The following TAGLN3 variants were observed in gnomAD, a reference collection of about 807,000 sequenced individuals.
TAGLN3 encodes transgelin 3, also known as transgelin-3.
Under a neutral mutation model 25.4 loss-of-function variants are expected in TAGLN3, and 12 were observed. That is an observed-to-expected ratio of 0.47 (90% CI 0.30 to 0.77). The LOEUF is 0.77. Among genes scored for constraint, TAGLN3 ranks in the 30% least tolerant of loss-of-function variants. The pLI, the probability that TAGLN3 is intolerant of heterozygous loss-of-function variation, is 0.06. For missense variants in TAGLN3, 218 were observed against 255.8 expected (o/e 0.85, Z 1.01); for synonymous variants, 96 against 94.8 (o/e 1.01, Z -0.08).
chr3:111,999,428 T>C lies in TAGLN3; in HGVS notation c.6T>C (p.Ala2=), dbSNP rs1365565476. 1.2e-6 allele frequency: 2 copies of C among 1,613,974 alleles called. No homozygotes were observed. The highest frequency in any genetic ancestry group is 8.5e-7 in the Non-Finnish European group (1 of 1,179,880). M[A]NRGPSYGLSR... Reference sequence around the variant, plus strand: ...GTCTTCTCTTCTTTCCAGAGATGGCTAACAGGGGCCCGAGCTATGGCTTAA... The same window carrying C: ...GTCTTCTCTTCTTTCCAGAGATGGCCAACAGGGGCCCGAGCTATGGCTTAA... Residue 2 remains alanine, a synonymous_variant, in exon 2 of 5, where the codon GCT becomes GCC. Coordinates refer to ENST00000478951, the MANE Select transcript of TAGLN3 (RefSeq NM_001008272.2).
rs190103977 is a variant in TAGLN3 at position 111,999,123 on chromosome 3, G to A, written c.-3+9G>A. The A allele has an allele frequency of 3.8e-4, 97 of 255,810 alleles. No homozygotes were observed. Among genetic ancestry groups the A allele is most frequent in the Admixed American group, 1.7e-3 (34 of 20,212 alleles). 15.8% of individuals were successfully genotyped at this position (255,810 alleles called of 1,614,324 possible). ...GGGGTTCAGACTTGATTGTGAGTCC[G>A]TGTTATATCATCTGGTCTCATTGAT... On this transcript the variant is annotated intron_variant, in intron 1 of 4. Coordinates refer to ENST00000478951, the MANE Select transcript of TAGLN3 (RefSeq NM_001008272.2).
At chr3:112,007,023 C>T (rs891333582) in intron 3 of TAGLN3, among the ~76,000 whole-genome samples, 2 of 152,162 alleles carry the variant, frequency 1.3e-5, no homozygotes, top group Admixed American at 1.3e-4. Context: ...AGGTGAGACT[C>T]TTGCTGAAAA....
Position 112,000,847 on chromosome 3 carries a change from G to T in TAGLN3, c.256G>T (p.Ala86Ser). Reference protein sequence around the residue: ...PIPKISESKMAFKQMEQISQF... With the variant: ...PIPKISESKMSFKQMEQISQF... ...ACCCAAGATCTCAGAGTCAAAGATG[G>T]CTTTTAAGCAGATGGAGCAAATCTC... Residue 86 changes from alanine to serine, a missense_variant, in exon 3 of 5, where the codon GCT becomes TCT. Coordinates refer to ENST00000478951, the MANE Select transcript of TAGLN3 (RefSeq NM_001008272.2). 3.7e-6 allele frequency: 6 copies of T among 1,614,152 alleles called. No individual in the cohort carries two copies. Among genetic ancestry groups the T allele is most frequent in the Non-Finnish European group, 5.1e-6 (6 of 1,180,018 alleles).
At chr3:112,009,929 C>T (rs763153187) in intron 3 of TAGLN3, among the ~76,000 whole-genome samples, 1 of 151,752 alleles carries the variant, frequency 6.6e-6, no homozygotes, top group Non-Finnish European at 1.5e-5. Flanking sequence ...TCCCTTTGTC[C>T]TCTCTGGGTT....
intron 4 of TAGLN3, 91 bp downstream of exon 4, chr3:112,011,956 G>A (rs760915071): frequency 2.8e-5 from 34 of 1,197,966 alleles, no homozygotes; most frequent in Non-Finnish European, 3.9e-5. Context: ...GGCTTTATGT[G>A]CAAAGCCCCA....
At chr3:112,000,247 G>T (rs891940821) in intron 2 of TAGLN3, among the ~76,000 whole-genome samples, 8 of 151,988 alleles carry the variant, frequency 5.3e-5, no homozygotes, top group African/African-American at 1.9e-4. Context: ...GTTGCCCAGA[G>T]CTTGGGTTAT....
chr3:111,999,673 G>C (rs1401241988), intron 2 of TAGLN3, 71 bp downstream of exon 2: 3 of 1,550,496 alleles, frequency 1.9e-6, no homozygotes, highest in Admixed American at 3.6e-5. Context: ...TTCTTTTAAC[G>C]TAAGGCTGCG....
At chr3:112,005,003 A>T (rs757655157) in intron 3 of TAGLN3, among the ~76,000 whole-genome samples, 3 of 152,068 alleles carry the variant, frequency 2.0e-5, no homozygotes, top group Non-Finnish European at 2.9e-5. Context: ...TACCCTCTTG[A>T]TGTCTTTCCC....
chr3:111,999,436 G>A lies in TAGLN3; in HGVS notation c.14G>A (p.Gly5Asp). ...TTCTTTCCAGAGATGGCTAACAGGG[G>A]CCCGAGCTATGGCTTAAGCCGAGAG... MANR[G>D]PSYGLSREVQ... The change falls in exon 2 of 5, where the codon GGC (glycine) becomes GAC (aspartate). Residue 5 changes from glycine to aspartate, a missense_variant. Coordinates refer to ENST00000478951, the MANE Select transcript of TAGLN3 (RefSeq NM_001008272.2). The A allele has an allele frequency of 1.2e-6, 2 of 1,614,096 alleles. No individual in the cohort carries two copies. The highest frequency in any genetic ancestry group is 8.5e-7 in the Non-Finnish European group (1 of 1,179,954).
chr3:112,006,080 G>C (rs2072914409), intron 3 of TAGLN3, among the ~76,000 whole-genome samples: 1 of 152,046 alleles, frequency 6.6e-6, no homozygotes, highest in South Asian at 2.1e-4. Context: ...TTTTCTATCA[G>C]AGCAGCCGTC....
chr3:112,000,613 C>A (rs1355006791), intron 2 of TAGLN3, 159 bp from the exon 3 acceptor site: 3 of 696,586 alleles, frequency 4.3e-6, no homozygotes, highest in East Asian at 2.5e-5. Context: ...AGTATAGGAG[C>A]CTGGCTACAC....
intron 3 of TAGLN3, among the ~76,000 whole-genome samples, chr3:112,009,199 G>A (rs986344205): frequency 6.6e-5 from 10 of 152,260 alleles, no homozygotes; most frequent in East Asian, 1.9e-4. Flanking sequence ...GTCACGTTTC[G>A]ACATGAGATT....
At chr3:112,001,490 A>C (rs1559941787) in intron 3 of TAGLN3, among the ~76,000 whole-genome samples, 2 of 152,210 alleles carry the variant, frequency 1.3e-5, no homozygotes, top group Admixed American at 6.5e-5. Flanking sequence ...TGCTGAGGAA[A>C]TCTTACAAAA....
At chr3:112,000,442 C>T (rs1559941396) in intron 2 of TAGLN3, 1 of 205,848 alleles carries the variant, frequency 4.9e-6, no homozygotes, top group African/African-American at 2.3e-5. Flanking sequence ...AGTCTAGAAT[C>T]ACGTCCTCAT....
intron 3 of TAGLN3, among the ~76,000 whole-genome samples, chr3:112,011,317 CA>C (rs2072974701): frequency 6.6e-6 from 1 of 152,210 alleles, no homozygotes; most frequent in African/African-American, 2.4e-5. Flanking sequence ...CTGTCACACA[CA>C]AGCCAGTTGT....
intron 4 of TAGLN3, 82 bp downstream of exon 4, chr3:112,011,947 G>A (rs1559944375): frequency 3.1e-6 from 4 of 1,303,824 alleles, no homozygotes; most frequent in Admixed American, 4.6e-5. Flanking sequence ...CTCTACAGAG[G>A]CTTTATGTGC....
At position 111,999,585 on chromosome 3, in the gene TAGLN3, T is replaced by C; in HGVS notation, c.163T>C (p.Trp55Arg). Residue 55 changes from tryptophan to arginine, a missense_variant, in exon 2 of 5, where the codon TGG becomes CGG. By Grantham distance (101) the Trp-to-Arg change is moderately radical. Coordinates refer to ENST00000478951, the MANE Select transcript of TAGLN3 (RefSeq NM_001008272.2). Reference sequence around the variant, plus strand: ...CCCCGGCAGGGCCCATTTTCAGAAATGGTTAATGGACGGGACGGTAAGGCC... The same window carrying C: ...CCCCGGCAGGGCCCATTTTCAGAAACGGTTAATGGACGGGACGGTAAGGCC... ...PPPGRAHFQK[W>R]LMDGTVLCKL... is the part of the protein sequence containing the mutation. 6.2e-7 allele frequency: 1 copy of C among 1,613,730 alleles called. No homozygotes were observed. Among genetic ancestry groups the C allele is most frequent in the Non-Finnish European group, 8.5e-7 (1 of 1,179,918 alleles).
At chr3:112,011,189 T>G (rs899901544) in intron 3 of TAGLN3, among the ~76,000 whole-genome samples, 1 of 152,166 alleles carries the variant, frequency 6.6e-6, no homozygotes, top group South Asian at 2.1e-4. Flanking sequence ...AAAGGCTGAG[T>G]TGTAAGGCCC....
At chr3:112,003,195 C>T (rs6787132) in intron 3 of TAGLN3, among the ~76,000 whole-genome samples, 27,258 of 151,982 alleles carry the variant, frequency 0.18, 2,877 homozygotes, top group East Asian at 0.28. Context: ...CCCAAGAGGC[C>T]CCAGGGTCTG....
Sources: allele counts gnomAD v4.1 joint callset (sites outside exome capture counted in the v4.1 genomes callset), GRCh38; gene constraint gnomAD v4.1.1; transcripts MANE v1.5; gene names NCBI Gene and HGNC (gene_info 2026-07-23, HGNC 2026-07-21).